The following HDAC9 variants were observed in gnomAD, a reference collection of about 807,000 sequenced individuals.
HDAC9 encodes the protein MEF-2 interacting transcription repressor (MITR) protein.
A neutral mutation model predicts 139.4 loss-of-function variants in HDAC9; 41 were observed. The observed-to-expected ratio is 0.29, with a 90% CI of 0.23 to 0.38. The LOEUF is 0.38. Among genes scored for constraint, HDAC9 ranks in the 10% least tolerant of loss-of-function variants. HDAC9 has a pLI of 1.00. For missense variants in HDAC9, 1,147 were observed against 1,297.0 expected (o/e 0.88, Z 1.78); for synonymous variants, 517 against 476.2 (o/e 1.09, Z -1.12).
intron 22 of HDAC9, among the ~76,000 whole-genome samples, chr7:18,896,851 G>A (rs6961943): frequency 0.25 from 37,638 of 151,856 alleles, 6,762 homozygotes; most frequent in African/African-American, 0.51. Flanking sequence ...AAATTCCACT[G>A]TTGAAACTTT....
chr7:18,909,847 T>G (rs2129288610), intron 22 of HDAC9, among the ~76,000 whole-genome samples: 1 of 152,196 alleles, frequency 6.6e-6, no homozygotes, highest in South Asian at 2.1e-4. Context: ...CAAGATATGT[T>G]GGTTATTATA....
rs575689747 is a variant in HDAC9 at position 18,397,454 on chromosome 7, C to T, written c.-41-98808C>T. On this transcript the variant is annotated intron_variant, in intron 1 of 3. Transcript: ENST00000413509. Reference sequence around the variant, plus strand: ...AAGGCAAATCAGCATAGGGATTATTCCCTAGGCAAATTTTTGGGAGATGGA... The same window carrying T: ...AAGGCAAATCAGCATAGGGATTATTTCCTAGGCAAATTTTTGGGAGATGGA... 3.9e-5 allele frequency among the ~76,000 whole-genome samples: 6 copies of T among 152,154 alleles called. No homozygotes were observed. The South Asian group carries it at 1.2e-3, about 32-fold the overall frequency.
At chr7:18,722,346 A>G (rs1301233265) in intron 12 of HDAC9, among the ~76,000 whole-genome samples, 1 of 152,276 alleles carries the variant, frequency 6.6e-6, no homozygotes, top group East Asian at 1.9e-4. Flanking sequence ...GGGGTAACAC[A>G]TTTTCTAATG....
intron 1 of HDAC9, among the ~76,000 whole-genome samples, chr7:18,472,383 A>T (rs1047926414): frequency 1.3e-5 from 2 of 152,138 alleles, no homozygotes; most frequent in African/African-American, 2.4e-5. Flanking sequence ...GATCCTAGAA[A>T]GAGAATGGAG....
intron 1 of HDAC9, among the ~76,000 whole-genome samples, chr7:18,357,208 G>A (rs938816015): frequency 6.6e-6 from 1 of 151,910 alleles, no homozygotes; most frequent in East Asian, 1.9e-4. Flanking sequence ...TTGTTACTTC[G>A]TTTCTGACAT....
At chr7:18,536,289 G>T (rs1311388942) in intron 2 of HDAC9, among the ~76,000 whole-genome samples, 1 of 152,064 alleles carries the variant, frequency 6.6e-6, no homozygotes, top group South Asian at 2.1e-4. Context: ...TGCTTTCTTG[G>T]CTGCCTTCCT....
Position 18,297,606 on chromosome 7 carries a change from C to T in HDAC9, c.-42+7091C>T, listed in dbSNP as rs572624093. On this transcript the variant is annotated intron_variant, in intron 1 of 3. Coordinates refer to the HDAC9 transcript ENST00000413509. ...TTGAATGCTACAATAACATTCTAAA[C>T]TAGGTTAGATTCTTGTGACAGTAAA... is the stretch of plus-strand genomic sequence containing the variant. Among the ~76,000 whole-genome samples, 6 of 152,222 alleles carry T rather than the reference C, an allele frequency of 3.9e-5. No individual in the cohort carries two copies. In the East Asian group the frequency reaches 1.2e-3, roughly 29 times the overall value.
chr7:18,431,235 G>A (rs561099379), intron 1 of HDAC9, among the ~76,000 whole-genome samples: 56 of 152,226 alleles, frequency 3.7e-4, no homozygotes, highest in Non-Finnish European at 5.3e-4. Flanking sequence ...AAAATTAATC[G>A]TTAGATATGG....
Position 18,905,057 on chromosome 7 carries a change from C to G in HDAC9, c.2803+30461C>G, listed in dbSNP as rs561152551. ...GGGCCTACGGTCATGAGCCACCATGCCAGGCTAATTTTTGGTTTTTTAGCA... is the reference window on the plus strand; with the variant it reads ...GGGCCTACGGTCATGAGCCACCATGGCAGGCTAATTTTTGGTTTTTTAGCA... On this transcript the variant is annotated intron_variant, in intron 22 of 25. Coordinates refer to ENST00000686413, the MANE Select transcript of HDAC9 (RefSeq NM_178425.4). Among the ~76,000 whole-genome samples the G allele has an allele frequency of 5.9e-5, 9 of 152,048 alleles. No individual in the cohort carries two copies. In the East Asian group the frequency reaches 1.8e-3, roughly 30 times the overall value.
chr7:18,202,437 T>C (rs1193544069), intron 2 of HDAC9, among the ~76,000 whole-genome samples: 1 of 152,212 alleles, frequency 6.6e-6, no homozygotes, highest in Non-Finnish European at 1.5e-5. Flanking sequence ...CAGACACTTG[T>C]ACTTAATTCA....
intron 1 of HDAC9, among the ~76,000 whole-genome samples, chr7:18,294,166 T>C: frequency 6.6e-6 from 1 of 152,048 alleles, no homozygotes; most frequent in East Asian, 1.9e-4. Context: ...TTGTATGAAA[T>C]AAGTGATGCT....
intron 3 of HDAC9, 47 bp downstream of exon 3, chr7:18,585,569 G>A (rs531649758): frequency 1.3e-5 from 21 of 1,600,804 alleles, no homozygotes; most frequent in East Asian, 4.5e-5. Flanking sequence ...AGTCTGCACC[G>A]TGGTGGGCAT....
chr7:18,388,729 A>C (rs963211598), intron 1 of HDAC9, among the ~76,000 whole-genome samples: 2 of 152,114 alleles, frequency 1.3e-5, no homozygotes, highest in African/African-American at 4.8e-5. Flanking sequence ...GACTGGGGGA[A>C]TTGGTGGGGT....
chr7:18,834,259 A>T (rs1485743418), intron 19 of HDAC9, among the ~76,000 whole-genome samples: 1 of 152,210 alleles, frequency 6.6e-6, no homozygotes, highest in Non-Finnish European at 1.5e-5. Flanking sequence ...AGAACCGGAA[A>T]CTATGTATGT....
At chr7:18,686,692 C>T (rs1782299627) in intron 12 of HDAC9, among the ~76,000 whole-genome samples, 1 of 151,730 alleles carries the variant, frequency 6.6e-6, no homozygotes, top group Non-Finnish European at 1.5e-5. Context: ...GTCTCTTTAA[C>T]CTACCTGGTG....
chr7:18,915,512 A>C (rs995067935), intron 22 of HDAC9, among the ~76,000 whole-genome samples: 2 of 151,988 alleles, frequency 1.3e-5, no homozygotes, highest in African/African-American at 4.8e-5. Flanking sequence ...ATTACAAAAA[A>C]TTATGTGCCA....
chr7:18,176,974 A>G (rs1788959916), intron 2 of HDAC9, among the ~76,000 whole-genome samples: 1 of 152,242 alleles, frequency 6.6e-6, no homozygotes. Context: ...AAAATAATAC[A>G]TACCATAACT....
chr7:18,371,036 CTT>C (rs1215157450), intron 1 of HDAC9, among the ~76,000 whole-genome samples: 1 of 152,114 alleles, frequency 6.6e-6, no homozygotes. Context: ...TCATGTCACT[CTT>C]TGCCTTTGTT....
chr7:18,257,220 A>G (rs1795315645), intron 2 of HDAC9, among the ~76,000 whole-genome samples: 1 of 151,044 alleles, frequency 6.6e-6, no homozygotes, highest in African/African-American at 2.4e-5. Flanking sequence ...CACACCTGTA[A>G]TTCCAGCACT....
Sources: allele counts gnomAD v4.1 joint callset (sites outside exome capture counted in the v4.1 genomes callset), GRCh38; gene constraint gnomAD v4.1.1; transcripts MANE v1.5; gene names NCBI Gene and HGNC (gene_info 2026-07-23, HGNC 2026-07-21).